HAPLN1: variants seen among roughly 807,000 people sequenced by gnomAD.
HAPLN1 encodes Cartilage link protein.
A neutral mutation model predicts 36.5 loss-of-function variants in HAPLN1; 13 were observed. The ratio of observed to expected loss-of-function variants is 0.36; its 90% CI spans 0.23 to 0.57. The LOEUF (loss-of-function observed/expected upper bound fraction) is 0.57, where lower values mean the gene tolerates loss of function less well. Ranked by LOEUF, HAPLN1 falls within the 20% of genes least tolerant of loss-of-function variation. The pLI, the probability that HAPLN1 is intolerant of heterozygous loss-of-function variation, is 0.83. For missense variants in HAPLN1, 407 were observed against 439.7 expected, an observed-to-expected ratio of 0.93 and a Z score of 0.66; for synonymous variants, 202 against 169.8, an observed-to-expected ratio of 1.19 and a Z score of -1.48.
chr5:83,699,827 G>A (rs557328561), intron 1 of HAPLN1, among the ~76,000 whole-genome samples: 1 of 152,158 alleles, frequency 6.6e-6, no homozygotes. Context: ...ATAACAATAG[G>A]AGCATGAAGC....
chr5:83,675,970 A>C (rs1041493784), intron 1 of HAPLN1, among the ~76,000 whole-genome samples: 10 of 152,188 alleles, frequency 6.6e-5, no homozygotes, highest in Non-Finnish European at 1.3e-4. Flanking sequence ...AAGCTCTTTA[A>C]CTTACAACTA....
At chr5:83,651,768 G>A (rs1033759241) in intron 3 of HAPLN1, among the ~76,000 whole-genome samples, 15 of 152,128 alleles carry the variant, frequency 9.9e-5, no homozygotes, top group African/African-American at 3.6e-4. Flanking sequence ...AAGGAGAGGA[G>A]GGTCTCTAGA....
At chr5:83,702,051 T>G (rs1751521422) in intron 1 of HAPLN1, among the ~76,000 whole-genome samples, 1 of 152,098 alleles carries the variant, frequency 6.6e-6, no homozygotes, top group South Asian at 2.1e-4. Context: ...AATGCAAGGT[T>G]ACCGGGAGGA....
Position 83,644,520 on chromosome 5 carries a change from A to G in HAPLN1, c.618T>C (p.Asn206=). The G allele has an allele frequency of 1.2e-6, 2 of 1,612,112 alleles. No individual in the cohort carries two copies. Among genetic ancestry groups the G allele is most frequent in the Non-Finnish European group, 1.7e-6 (2 of 1,179,110 alleles). ...CAGAGCCATCACTGAGCCAGCCGGC[A>G]TTGCACCAGTCCAGCCCGCCCCGCC... The part of the protein sequence containing the change: ...DAWRGGLDWC[N]AGWLSDGSVQ... Residue 206 remains asparagine (N), a synonymous_variant, in exon 4 of 5, where the codon AAT becomes AAC. Coordinates refer to ENST00000274341, the MANE Select transcript of HAPLN1 (RefSeq NM_001884.4).
chr5:83,695,389 G>A (rs989305567), intron 1 of HAPLN1, among the ~76,000 whole-genome samples: 3 of 151,774 alleles, frequency 2.0e-5, no homozygotes, highest in Non-Finnish European at 4.4e-5. Flanking sequence ...GCCTCCCAAA[G>A]TGCTGGGATT....
intron 1 of HAPLN1, among the ~76,000 whole-genome samples, chr5:83,681,071 T>C (rs888477373): frequency 6.6e-6 from 1 of 152,186 alleles, no homozygotes; most frequent in African/African-American, 2.4e-5. Flanking sequence ...CTTGATTCTG[T>C]GATCAAAAAT....
At chr5:83,650,704 G>A (rs1353676952) in intron 3 of HAPLN1, among the ~76,000 whole-genome samples, 5 of 146,914 alleles carry the variant, frequency 3.4e-5, no homozygotes, top group Non-Finnish European at 7.5e-5. Context: ...GTGTGATCTC[G>A]GCTCACTGCA....
intron 1 of HAPLN1, among the ~76,000 whole-genome samples, chr5:83,676,253 C>G (rs1283868026): frequency 6.9e-6 from 1 of 145,826 alleles, no homozygotes; most frequent in East Asian, 1.9e-4. Context: ...TACGCACACA[C>G]AGAAAGATAG....
intron 2 of HAPLN1, among the ~76,000 whole-genome samples, chr5:83,668,143 G>A (rs1015784791): frequency 6.6e-6 from 1 of 152,146 alleles, no homozygotes; most frequent in African/African-American, 2.4e-5. Context: ...ATGTGACTGG[G>A]ATGCATCACA....
At chr5:83,704,107 CA>C (rs34709377) in intron 1 of HAPLN1, among the ~76,000 whole-genome samples, 98,423 of 140,210 alleles carry the variant, frequency 0.7, 33,741 homozygotes, top group East Asian at 0.81. Context: ...GCAACAGTCT[CA>C]AAAAAAAAAA....
At chr5:83,669,278 T>C (rs988851374) in intron 2 of HAPLN1, among the ~76,000 whole-genome samples, 1 of 152,086 alleles carries the variant, frequency 6.6e-6, no homozygotes, top group Non-Finnish European at 1.5e-5. Flanking sequence ...TGATGTGGGC[T>C]GATCACCTGA....
chr5:83,655,823 T>G (rs1281266592), intron 2 of HAPLN1, among the ~76,000 whole-genome samples: 2 of 152,002 alleles, frequency 1.3e-5, no homozygotes, highest in African/African-American at 2.4e-5. Context: ...AGCTTGCAGT[T>G]CTCATCAGGT....
intron 1 of HAPLN1, among the ~76,000 whole-genome samples, chr5:83,696,648 T>A (rs1431511732): frequency 1.3e-5 from 2 of 152,134 alleles, no homozygotes; most frequent in East Asian, 3.9e-4. Context: ...AGTTCTCAAG[T>A]TTTATTTCTA....
rs773649016 is a variant in HAPLN1 at position 83,673,532 on chromosome 5, C to G, written c.-9G>C. 82 of 1,593,472 alleles carry G rather than the reference C, an allele frequency of 5.1e-5. No individual in the cohort carries two copies. In the East Asian group the frequency reaches 1.8e-3, roughly 35 times the overall value. ...AGAAGTAGACTCTTCATCTTTATAG[C>G]CCAAAGAATCTTCTTCACTGCGAGA... On this transcript the variant is annotated 5_prime_UTR_variant, in exon 2 of 5. Transcript: ENST00000274341.
At chr5:83,663,449 C>A (rs1257851095) in intron 2 of HAPLN1, among the ~76,000 whole-genome samples, 3 of 152,172 alleles carry the variant, frequency 2.0e-5, no homozygotes, top group African/African-American at 7.2e-5. Flanking sequence ...CTAGGTCCAT[C>A]TCCTTCCCTT....
At chr5:83,690,463 T>C (rs757567874) in intron 1 of HAPLN1, among the ~76,000 whole-genome samples, 3 of 152,062 alleles carry the variant, frequency 2.0e-5, no homozygotes, top group Non-Finnish European at 2.9e-5. Flanking sequence ...CATCTGTAAA[T>C]GGGAACTAAA....
At chr5:83,705,012 C>A (rs1751605378) in intron 1 of HAPLN1, among the ~76,000 whole-genome samples, 1 of 152,126 alleles carries the variant, frequency 6.6e-6, no homozygotes, top group Non-Finnish European at 1.5e-5. Context: ...AGACATAAAA[C>A]AATGCTCAGC....
chr5:83,709,676 G>A (rs1157004649), intron 1 of HAPLN1, among the ~76,000 whole-genome samples: 2 of 152,164 alleles, frequency 1.3e-5, no homozygotes, highest in Non-Finnish European at 2.9e-5. Context: ...AGGTCACTAA[G>A]AACCTTGCAA....
intron 2 of HAPLN1, among the ~76,000 whole-genome samples, chr5:83,662,673 A>T (rs1465047334): frequency 6.6e-6 from 1 of 152,242 alleles, no homozygotes; most frequent in Non-Finnish European, 1.5e-5. Flanking sequence ...AAACATTAGC[A>T]TGAGTCATTC....
Sources: gnomAD v4.1 joint callset for allele counts (sites outside exome capture counted in the v4.1 genomes callset) on GRCh38, gnomAD v4.1.1 for gene constraint, MANE v1.5 for transcripts, NCBI Gene and HGNC (gene_info 2026-07-23, HGNC 2026-07-21) for gene names.